USP13: variants seen among roughly 807,000 people sequenced by gnomAD.
USP13 encodes the protein ubiquitin carboxyl-terminal hydrolase 13.
USP13 carries 68 observed loss-of-function variants against 107.8 expected under a neutral mutation model. The ratio of observed to expected loss-of-function variants is 0.63; its 90% confidence interval spans 0.52 to 0.77. The LOEUF (loss-of-function observed/expected upper bound fraction) is 0.77. USP13 is among the 30% of genes least tolerant of loss of function. USP13 has a pLI of 0.00. For missense variants in USP13, 945 were observed against 1,093.3 expected (o/e 0.86, Z 1.91); for synonymous variants, 377 against 389.5 (o/e 0.97, Z 0.38).
intron 1 of USP13, among the ~76,000 whole-genome samples, chr3:179,677,112 CCT>C (rs1711507360): frequency 6.6e-6 from 1 of 150,890 alleles, no homozygotes; most frequent in Non-Finnish European, 1.5e-5. Flanking sequence ...CCTGCCTCGG[CCT>C]CCCAAAGTGC....
intron 1 of USP13, among the ~76,000 whole-genome samples, chr3:179,662,272 A>G (rs934895188): frequency 1.3e-5 from 2 of 152,166 alleles, no homozygotes; most frequent in Non-Finnish European, 2.9e-5. Flanking sequence ...GTTCTTTGCC[A>G]GGAGAGGGAG....
rs561024665 is a variant in USP13 at position 179,762,909 on chromosome 3, C to G, written c.2093-1093C>G. On this transcript the variant is annotated intron_variant, in intron 17 of 20. Transcript: ENST00000263966. The stretch of plus-strand genomic sequence containing the variant: ...TATCATCACTAACCCTTATTATTAT[C>G]TTTTTTATCATACCCATCCCAGTGG... Among the ~76,000 whole-genome samples the G allele has an allele frequency of 2.0e-5, 3 of 152,198 alleles. No individual in the cohort carries two copies. The East Asian group carries it at 5.8e-4, about 29-fold the overall frequency.
intron 1 of USP13, among the ~76,000 whole-genome samples, chr3:179,656,725 A>G (rs1474530400): frequency 6.6e-6 from 1 of 152,114 alleles, no homozygotes; most frequent in Admixed American, 6.6e-5. Context: ...TCATTTCCAT[A>G]TTGCCTTCCA....
Position 179,730,278 on chromosome 3 carries a change from AT to A in USP13, c.1160+29del, listed in dbSNP as rs11309768. 1,123,423 of 1,295,612 alleles carry A rather than the reference AT, an allele frequency of 0.87. 478,322 individuals carry two copies. Among genetic ancestry groups the A allele is most frequent in the African/African-American group, 0.94 (62,333 of 66,302 alleles). The allele number at this position is 1,295,612 out of a possible 1,614,324, so 80.3% of individuals were successfully genotyped here. A position where few individuals can be genotyped will look rare whatever the true frequency, so the allele number is the denominator to read the frequency against. On this transcript the variant is annotated intron_variant, in intron 9 of 20. Transcript: ENST00000263966. Reference sequence around the variant, plus strand: ...ACACAGATGTAAGTGCCAGATTTGTATTTTTTTTTTTCTAGAAAAAGCATCC... The same window carrying A: ...ACACAGATGTAAGTGCCAGATTTGTATTTTTTTTTTCTAGAAAAAGCATCC...
intron 8 of USP13, among the ~76,000 whole-genome samples, chr3:179,729,637 A>G (rs1177997184): frequency 6.6e-6 from 1 of 151,752 alleles, no homozygotes; most frequent in Non-Finnish European, 1.5e-5. Context: ...GCACCTGGCT[A>G]TTTTTTGCAT....
intron 3 of USP13, among the ~76,000 whole-genome samples, chr3:179,693,965 C>T (rs1366134702): frequency 6.6e-6 from 1 of 151,884 alleles, no homozygotes; most frequent in Admixed American, 6.6e-5. Context: ...AGGCGTGAAC[C>T]ACCACACCTG....
At chr3:179,730,772 T>G in intron 10 of USP13, 63 bp downstream of exon 10, 4 of 1,502,268 alleles carry the variant, frequency 2.7e-6, no homozygotes, top group Non-Finnish European at 3.7e-6. Flanking sequence ...AATGTGGGTT[T>G]CCTATGATTT....
intron 20 of USP13, among the ~76,000 whole-genome samples, chr3:179,782,550 A>G (rs1422436037): frequency 6.6e-6 from 1 of 152,258 alleles, no homozygotes; most frequent in African/African-American, 2.4e-5. Context: ...CAAACTGAGT[A>G]GCCTGTGGGT....
intron 1 of USP13, among the ~76,000 whole-genome samples, chr3:179,659,056 T>C (rs758136405): frequency 2.6e-5 from 4 of 152,194 alleles, no homozygotes; most frequent in Admixed American, 2.0e-4. Context: ...TGGGACTGTT[T>C]TTTAAGAAGG....
intron 19 of USP13, among the ~76,000 whole-genome samples, chr3:179,781,370 G>C (rs1182213728): frequency 6.6e-6 from 1 of 151,994 alleles, no homozygotes; most frequent in Non-Finnish European, 1.5e-5. Context: ...AAAGAAACAG[G>C]CTCAGAAAGA....
At chr3:179,718,416 C>T (rs989266456) in intron 6 of USP13, among the ~76,000 whole-genome samples, 8 of 151,996 alleles carry the variant, frequency 5.3e-5, no homozygotes, top group Admixed American at 3.3e-4. Flanking sequence ...CTTGGTCTCC[C>T]GGAGTGCTGG....
intron 1 of USP13, among the ~76,000 whole-genome samples, chr3:179,661,492 T>C (rs943674930): frequency 1.3e-5 from 2 of 151,920 alleles, no homozygotes; most frequent in Non-Finnish European, 2.9e-5. Flanking sequence ...GAACTGTGAG[T>C]TTCATTGTAG....
Position 179,740,358 on chromosome 3 carries a change from G to A in USP13, c.1366G>A (p.Val456Met). The A allele has an allele frequency of 6.2e-7, 1 of 1,614,038 alleles. No individual in the cohort carries two copies. Among genetic ancestry groups the A allele is most frequent in the South Asian group, 1.1e-5 (1 of 91,074 alleles). ...QDAQEFFLHLVNLVERNRIGS... is the reference protein window; with the variant it reads ...QDAQEFFLHLMNLVERNRIGS... ...TGCCCAGGAATTCTTCTTGCACCTG[G>A]TGAATCTAGTAGAGGTGAGTAGTCA... Residue 456 changes from valine (V) to methionine (M), a missense_variant, in exon 11 of 21, where the codon GTG (valine) becomes ATG (methionine). Val to Met is a conservative substitution (Grantham distance 21). Coordinates refer to ENST00000263966, the MANE Select transcript of USP13 (RefSeq NM_003940.3).
rs149699048 is a variant in USP13 at position 179,740,384 on chromosome 3, G to T, written c.1380+12G>T. 830 of 1,613,924 alleles carry T rather than the reference G, an allele frequency of 5.1e-4. 2 individuals carry two copies. In the African/African-American group the frequency reaches 9.9e-3, roughly 19 times the overall value. Reference sequence around the variant, plus strand: ...TGAATCTAGTAGAGGTGAGTAGTCAGTCTTCACGGATGCTCAGCGGGGTTG... The same window carrying T: ...TGAATCTAGTAGAGGTGAGTAGTCATTCTTCACGGATGCTCAGCGGGGTTG... On this transcript the variant is annotated intron_variant, in intron 11 of 20. Coordinates refer to ENST00000263966, the MANE Select transcript of USP13 (RefSeq NM_003940.3).
intron 13 of USP13, among the ~76,000 whole-genome samples, chr3:179,748,424 A>G (rs1030119510): frequency 2.0e-5 from 3 of 152,184 alleles, no homozygotes; most frequent in Non-Finnish European, 2.9e-5. Flanking sequence ...GATTCAGTCT[A>G]TGTTTTGTTA....
At chr3:179,734,848 T>C (rs1416165670) in intron 10 of USP13, among the ~76,000 whole-genome samples, 2 of 152,242 alleles carry the variant, frequency 1.3e-5, no homozygotes, top group African/African-American at 4.8e-5. Flanking sequence ...GGTTTAAAAG[T>C]ATCTGTGCAA....
intron 16 of USP13, among the ~76,000 whole-genome samples, chr3:179,757,761 G>T (rs908731574): frequency 1.8e-4 from 27 of 152,254 alleles, no homozygotes; most frequent in African/African-American, 6.0e-4. Flanking sequence ...TACACATTGC[G>T]AATGATTGAT....
At position 179,730,241 on chromosome 3, in the gene USP13, C is replaced by G. The variant is rs1168698827; in HGVS notation, c.1141C>G (p.Gln381Glu). The G allele has an allele frequency of 2.5e-6, 4 of 1,612,082 alleles. No homozygotes were observed. The highest frequency in any genetic ancestry group is 3.4e-6 in the Non-Finnish European group (4 of 1,179,596). The part of the protein sequence containing the change: ...IFDYSPLDPT[Q>E]DFNTQMTKLG... ...TGACTACTCGCCTTTAGATCCAACA[C>G]AAGATTTCAACACACAGATGTAAGT... Residue 381 changes from glutamine to glutamate, a missense_variant, in exon 9 of 21, where the codon CAA becomes GAA. Gln to Glu is a conservative substitution (Grantham distance 29). Transcript: ENST00000263966.
At chr3:179,694,457 A>T (rs1712215287) in intron 3 of USP13, among the ~76,000 whole-genome samples, 5 of 152,054 alleles carry the variant, frequency 3.3e-5, no homozygotes, top group African/African-American at 9.7e-5. Flanking sequence ...TTACGGTCCA[A>T]AATGGCTACT....
Sources: allele counts gnomAD v4.1 joint callset (sites outside exome capture counted in the v4.1 genomes callset), GRCh38; gene constraint gnomAD v4.1.1; transcripts MANE v1.5; gene names NCBI Gene and HGNC (gene_info 2026-07-23, HGNC 2026-07-21).